KDM4C: variants seen among roughly 807,000 people sequenced by gnomAD.
The protein encoded by KDM4C is lysine-specific demethylase 4C.
Under a neutral mutation model 129.3 loss-of-function variants are expected in KDM4C, and 81 were observed. That is an observed-to-expected ratio of 0.63 (90% CI 0.52 to 0.75). KDM4C has a LOEUF of 0.75. Among genes scored for constraint, KDM4C ranks in the 30% least tolerant of loss-of-function variants. The pLI is 0.00. For missense variants in KDM4C, 1,457 were observed against 1,304.0 expected (o/e 1.12, Z -1.81); for synonymous variants, 573 against 456.1 (o/e 1.26, Z -3.26).
chr9:6,827,418 A>G (rs1834076564), intron 4 of KDM4C, among the ~76,000 whole-genome samples: 1 of 152,234 alleles, frequency 6.6e-6, no homozygotes, highest in African/African-American at 2.4e-5. Flanking sequence ...GAGCTCCTTT[A>G]TAAGAAACCT....
chr9:6,962,305 T>C (rs1830172290), intron 8 of KDM4C, among the ~76,000 whole-genome samples: 1 of 152,230 alleles, frequency 6.6e-6, no homozygotes, highest in African/African-American at 2.4e-5. Context: ...GAAAAAATTA[T>C]ATCCAAATGC....
intron 12 of KDM4C, among the ~76,000 whole-genome samples, chr9:7,006,772 T>C (rs1234428690): frequency 6.6e-6 from 1 of 152,160 alleles, no homozygotes; most frequent in Admixed American, 6.5e-5. Context: ...CTCGAGTTTT[T>C]AATTCTGCCA....
intron 4 of KDM4C, chr9:6,835,452 G>A (rs1353127976): frequency 8.2e-7 from 1 of 1,221,732 alleles, no homozygotes; most frequent in East Asian, 2.3e-5. Context: ...CTCCTCCTGA[G>A]CTCAAGCACT....
chr9:6,768,609 A>G (rs532455147), intron 1 of KDM4C, among the ~76,000 whole-genome samples: 64 of 152,282 alleles, frequency 4.2e-4, no homozygotes, highest in Non-Finnish European at 7.6e-4. Flanking sequence ...TGTTCTTCAT[A>G]GCAAAAGTAT....
At position 6,805,790 on chromosome 9, in the gene KDM4C, T is replaced by G; in HGVS notation, c.320+16T>G. The G allele has an allele frequency of 6.2e-7, 1 of 1,600,050 alleles. No individual in the cohort carries two copies. Among genetic ancestry groups the G allele is most frequent in the East Asian group, 2.2e-5 (1 of 44,672 alleles). ...ACAGTGGCAAGTGAGTAGAATCAGTTTGCTATTTCTGTTTCCTTCAAAGAT... is the reference window on the plus strand; with the variant it reads ...ACAGTGGCAAGTGAGTAGAATCAGTGTGCTATTTCTGTTTCCTTCAAAGAT... On this transcript the variant is annotated intron_variant, in intron 3 of 21. Transcript: ENST00000381309.
At chr9:6,864,066 C>T (rs1204485558) in intron 5 of KDM4C, among the ~76,000 whole-genome samples, 1 of 152,148 alleles carries the variant, frequency 6.6e-6, no homozygotes, top group East Asian at 1.9e-4. Context: ...TGAATTTGTT[C>T]ATGTACTTAA....
intron 1 of KDM4C, among the ~76,000 whole-genome samples, chr9:6,761,992 G>A (rs971953852): frequency 1.3e-5 from 2 of 151,810 alleles, no homozygotes; most frequent in African/African-American, 4.8e-5. Flanking sequence ...TAGAGACGGG[G>A]TTTCACCGTG....
At chr9:7,070,728 C>G (rs1833079950) in intron 17 of KDM4C, among the ~76,000 whole-genome samples, 1 of 152,052 alleles carries the variant, frequency 6.6e-6, no homozygotes, top group South Asian at 2.1e-4. Flanking sequence ...AGCATACTTA[C>G]AAAAAAACCT....
In KDM4C at chr9:6,782,141, G is replaced by A. The variant is rs1018939897; in HGVS notation, c.-17-10831G>A. Among the ~76,000 whole-genome samples the A allele has an allele frequency of 2.0e-5, 3 of 152,232 alleles. No homozygotes were observed. The South Asian group carries it at 6.2e-4, about 32-fold the overall frequency. ...GCCTGGCCTGGTTATAAATTTTAGT[G>A]AGTAGGTAAATTTGTAGATACGGAA... On this transcript the variant is annotated intron_variant, in intron 1 of 21. Transcript: ENST00000381309.
At chr9:6,846,129 C>G (rs1402243033) in intron 4 of KDM4C, among the ~76,000 whole-genome samples, 3 of 152,156 alleles carry the variant, frequency 2.0e-5, no homozygotes, top group African/African-American at 7.2e-5. Flanking sequence ...TCCTGAACCT[C>G]AGATCTTTGT....
At chr9:7,044,729 G>A (rs902852519) in intron 15 of KDM4C, among the ~76,000 whole-genome samples, 1 of 151,978 alleles carries the variant, frequency 6.6e-6, no homozygotes, top group African/African-American at 2.4e-5. Flanking sequence ...AGGGAATTAA[G>A]GTGTGAGCCA....
chr9:7,170,306 AG>A, intron 21 of KDM4C: 1 of 1,043,658 alleles, frequency 9.6e-7, no homozygotes, highest in Non-Finnish European at 1.2e-6. Flanking sequence ...ATTCTTTTAT[AG>A]GTTTTTCATG....
intron 5 of KDM4C, among the ~76,000 whole-genome samples, chr9:6,869,535 T>C (rs2130631492): frequency 6.6e-6 from 1 of 152,292 alleles, no homozygotes; most frequent in East Asian, 1.9e-4. Context: ...CTGCTCACAG[T>C]GGGGGAGGCA....
intron 21 of KDM4C, chr9:7,170,225 G>A: frequency 1.7e-6 from 2 of 1,186,790 alleles, no homozygotes; most frequent in Non-Finnish European, 1.1e-6. Context: ...TTGCAATCTT[G>A]TTAGTAGAAG....
At chr9:6,860,047 C>T (rs1840642633) in intron 5 of KDM4C, among the ~76,000 whole-genome samples, 1 of 151,966 alleles carries the variant, frequency 6.6e-6, no homozygotes. Context: ...CTTTTTACAC[C>T]ATCAACTTTC....
intron 19 of KDM4C, among the ~76,000 whole-genome samples, chr9:7,144,684 C>T (rs1302187597): frequency 2.0e-5 from 3 of 152,222 alleles, no homozygotes; most frequent in Admixed American, 6.5e-5. Flanking sequence ...GGATTCCTGG[C>T]GTGGAGCACC....
intron 12 of KDM4C, among the ~76,000 whole-genome samples, chr9:7,001,834 T>G (rs1011089156): frequency 6.6e-6 from 1 of 152,158 alleles, no homozygotes; most frequent in Admixed American, 6.6e-5. Flanking sequence ...CTTTTGACTT[T>G]GTATTGTATA....
At chr9:7,114,157 T>C (rs1442794232) in intron 18 of KDM4C, among the ~76,000 whole-genome samples, 1 of 152,210 alleles carries the variant, frequency 6.6e-6, no homozygotes, top group African/African-American at 2.4e-5. Flanking sequence ...CTCCTTATTC[T>C]GTTTTCTGGG....
At chr9:7,062,470 CT>C (rs1831833320) in intron 17 of KDM4C, among the ~76,000 whole-genome samples, 1 of 152,140 alleles carries the variant, frequency 6.6e-6, no homozygotes, top group African/African-American at 2.4e-5. Flanking sequence ...TCACTGCAGC[CT>C]TTACTTCCTG....
Sources: gnomAD v4.1 joint callset for allele counts (sites outside exome capture counted in the v4.1 genomes callset) on GRCh38, gnomAD v4.1.1 for gene constraint, MANE v1.5 for transcripts, NCBI Gene and HGNC (gene_info 2026-07-23, HGNC 2026-07-21) for gene names.